HMGB1: variants seen among roughly 807,000 people sequenced by gnomAD.
HMGB1 encodes the protein high mobility group box 1.
For synonymous variants in HMGB1, 81 were observed against 84.0 expected (o/e 0.96, Z 0.19); for missense variants, 79 against 253.5 (o/e 0.31, Z 4.67).
intron 1 of HMGB1, among the ~76,000 whole-genome samples, chr13:30,521,239 C>T (rs1888231919): frequency 6.6e-6 from 1 of 152,120 alleles, no homozygotes; most frequent in East Asian, 1.9e-4. Flanking sequence ...ATGAAATTCA[C>T]ATACCATACA....
intron 1 of HMGB1, among the ~76,000 whole-genome samples, chr13:30,479,302 T>C (rs58856535): frequency 0.023 from 3,526 of 152,278 alleles, 121 homozygotes; most frequent in African/African-American, 0.081. Flanking sequence ...TTAAACACTG[T>C]CATTATGTAA....
In HMGB1 at chr13:30,475,045, C is replaced by CT. The variant is rs749159763; in HGVS notation, c.-14-11352dup. Among the ~76,000 whole-genome samples the CT allele has an allele frequency of 3.2e-3, 174 of 55,116 alleles. 8 individuals are homozygous for CT. Among genetic ancestry groups the CT allele is most frequent in the African/African-American group, 0.01 (120 of 11,912 alleles). The allele number at this position is 55,116 out of a possible 152,430, so 36.2% of individuals were successfully genotyped here. A position where few individuals can be genotyped will look rare whatever the true frequency, so the allele number is the denominator to read the frequency against. On this transcript the variant is annotated intron_variant, in intron 1 of 4. Transcript: ENST00000405805. ...ACCTCAGCTCTCTCTCTCTCTCTCTCTTTTTTTTTTTTTTTGAGACAGTCT... is the reference window on the plus strand; with the variant it reads ...ACCTCAGCTCTCTCTCTCTCTCTCTCTTTTTTTTTTTTTTTTGAGACAGTCT...
intron 1 of HMGB1, among the ~76,000 whole-genome samples, chr13:30,484,307 C>T (rs1887308320): frequency 6.6e-6 from 1 of 152,162 alleles, no homozygotes; most frequent in Admixed American, 6.5e-5. Context: ...AGCATCTAAC[C>T]TCCAGGAGCC....
rs141047821 is a variant in HMGB1 at position 30,611,397 on chromosome 13, C to T, written c.-15+5274G>A. On this transcript the variant is annotated intron_variant, in intron 1 of 4. Coordinates refer to the HMGB1 transcript ENST00000405805. ...CAGGCTGGTCTCGAACTCCTGACCT[C>T]GTGATCTGCCCACCTCGGCCTTCCA... Among the ~76,000 whole-genome samples the T allele has an allele frequency of 2.9e-4, 44 of 152,244 alleles. 1 individual carries two copies. In the East Asian group the frequency reaches 8.3e-3, roughly 29 times the overall value.
At chr13:30,541,091 C>A (rs893713294) in intron 1 of HMGB1, 1 of 152,062 alleles carries the variant, frequency 6.6e-6, no homozygotes, top group Admixed American at 6.6e-5. Context: ...AAATGAAAAA[C>A]AAGTTTCAAT....
chr13:30,471,106 G>A lies in HMGB1; in HGVS notation c.-14-7412C>T, dbSNP rs555810747. Among the ~76,000 whole-genome samples, 5 of 152,122 alleles carry A rather than the reference G, an allele frequency of 3.3e-5. No individual in the cohort carries two copies. In the South Asian group the frequency reaches 1.0e-3, roughly 32 times the overall value. ...CAGTTCTTCTGCCTCAGACTCCTGA[G>A]TAGCTGGGACTACAGGCACGCGCCA... is the stretch of plus-strand genomic sequence containing the variant. On this transcript the variant is annotated intron_variant, in intron 1 of 4. Coordinates refer to the HMGB1 transcript ENST00000405805.
intron 1 of HMGB1, chr13:30,465,025 G>C: frequency 4.2e-6 from 1 of 238,768 alleles, no homozygotes; most frequent in Non-Finnish European, 5.6e-6. Context: ...CGCCGCCCCC[G>C]CACGGAGAAC....
chr13:30,475,892 C>T (rs1411682877), intron 1 of HMGB1, among the ~76,000 whole-genome samples: 3 of 152,146 alleles, frequency 2.0e-5, no homozygotes, highest in African/African-American at 4.8e-5. Flanking sequence ...CCACAGTCCC[C>T]GCCATTCCCT....
intron 1 of HMGB1, among the ~76,000 whole-genome samples, chr13:30,483,618 T>TTTTTC (rs1491226836): frequency 3.5e-3 from 3 of 848 alleles, no homozygotes; most frequent in East Asian, 0.25. Flanking sequence ...TGCAAATTTC[T>TTTTTC]TTTTTTTTTT....
At chr13:30,531,404 A>G (rs1424114738) in intron 1 of HMGB1, among the ~76,000 whole-genome samples, 3 of 152,144 alleles carry the variant, frequency 2.0e-5, no homozygotes, top group Non-Finnish European at 4.4e-5. Flanking sequence ...CACAGTGGCT[A>G]TTCATTGCTA....
chr13:30,495,571 C>T (rs1011577137), intron 1 of HMGB1, among the ~76,000 whole-genome samples: 12 of 151,812 alleles, frequency 7.9e-5, no homozygotes, highest in African/African-American at 1.9e-4. Flanking sequence ...CTCTGCCTCC[C>T]GGGTTCACAC....
At chr13:30,461,576 A>C in intron 4 of HMGB1, 43 bp from the exon 5 acceptor site, 1 of 1,569,242 alleles carries the variant, frequency 6.4e-7, no homozygotes, top group Non-Finnish European at 8.7e-7. Flanking sequence ...GAAGAAAAAA[A>C]CATTAAGGAA....
intron 1 of HMGB1, among the ~76,000 whole-genome samples, chr13:30,608,454 A>G (rs1457478319): frequency 6.6e-6 from 1 of 152,192 alleles, no homozygotes; most frequent in Non-Finnish European, 1.5e-5. Flanking sequence ...GGGCATGAGG[A>G]AAGCTCTTTC....
rs141394463 is a variant in HMGB1, at chr13:30,595,306, T to A, written c.-15+21365A>T. Among the ~76,000 whole-genome samples, 1,252 of 152,314 alleles carry A rather than the reference T, an allele frequency of 8.2e-3. 13 individuals are homozygous for A. Among genetic ancestry groups the A allele is most frequent in the Non-Finnish European group, 0.014 (971 of 68,026 alleles). On this transcript the variant is annotated intron_variant, in intron 1 of 4. Transcript: ENST00000405805. The stretch of plus-strand genomic sequence containing the variant: ...AAAATGGTAGAGGTAATTTGCACCT[T>A]TCCAAACAGAAGCAATAGGAGCAAC...
chr13:30,546,559 C>T (rs1393085546), intron 1 of HMGB1, among the ~76,000 whole-genome samples: 1 of 152,218 alleles, frequency 6.6e-6, no homozygotes, highest in Non-Finnish European at 1.5e-5. Flanking sequence ...TTAAAGCTCA[C>T]TGCTGCCTTA....
intron 1 of HMGB1, among the ~76,000 whole-genome samples, chr13:30,473,874 G>A (rs2892548): frequency 2.0e-5 from 3 of 152,200 alleles, no homozygotes; most frequent in African/African-American, 7.2e-5. Flanking sequence ...CTGATGAGTG[G>A]ATAAATCGAA....
chr13:30,600,914 C>T (rs1019593445), intron 1 of HMGB1, among the ~76,000 whole-genome samples: 2 of 152,132 alleles, frequency 1.3e-5, no homozygotes, highest in African/African-American at 4.8e-5. Flanking sequence ...AACTGTCAGG[C>T]CTCTGATCCC....
At chr13:30,544,750 C>A (rs1205390871) in intron 1 of HMGB1, among the ~76,000 whole-genome samples, 1 of 151,970 alleles carries the variant, frequency 6.6e-6, no homozygotes, top group African/African-American at 2.4e-5. Flanking sequence ...TCAAATCAAT[C>A]GAACCTGAGG....
chr13:30,545,481 G>A (rs192403978), intron 1 of HMGB1, among the ~76,000 whole-genome samples: 1 of 151,146 alleles, frequency 6.6e-6, no homozygotes, highest in African/African-American at 2.4e-5. Flanking sequence ...TAATAGAAGA[G>A]GTTGACAGAT....
Sources: gnomAD v4.1 joint callset for allele counts (sites outside exome capture counted in the v4.1 genomes callset) on GRCh38, gnomAD v4.1.1 for gene constraint, MANE v1.5 for transcripts, NCBI Gene and HGNC (gene_info 2026-07-23, HGNC 2026-07-21) for gene names.